RHOBTB3: variants seen among roughly 807,000 people sequenced by gnomAD.
The protein encoded by RHOBTB3 is rho-related BTB domain-containing protein 3.
A neutral mutation model predicts 67.2 loss-of-function variants in RHOBTB3; 47 were observed. The observed-to-expected ratio is 0.70, with a 90% CI of 0.55 to 0.89. RHOBTB3 has a LOEUF of 0.89. Ranked by LOEUF, RHOBTB3 falls within the 40% of genes least tolerant of loss-of-function variation. RHOBTB3 has a pLI of 0.00. For synonymous variants in RHOBTB3, 273 were observed against 274.2 expected (o/e 1.00, Z 0.04); for missense variants, 631 against 750.0 (o/e 0.84, Z 1.85).
chr5:95,791,512 C>T (rs1746389872), intron 11 of RHOBTB3, among the ~76,000 whole-genome samples: 1 of 152,132 alleles, frequency 6.6e-6, no homozygotes, highest in Non-Finnish European at 1.5e-5. Flanking sequence ...TCTCATGTCA[C>T]CTTTGCTTCC....
rs1745600126 is a variant in RHOBTB3 at position 95,768,046 on chromosome 5, A to AT, written c.1164dup (p.Asn389Ter). ...CCTGTATTTTTGTTTTCCCTTATAG[A>AT]TTAATTGCCTAAGGAATTGCAAAAC... On this transcript the variant is annotated frameshift_variant and splice_region_variant, in exon 8 of 12. Transcript: ENST00000379982. LOFTEE classifies it high-confidence loss of function. The AT allele has an allele frequency of 2.5e-6, 4 of 1,612,526 alleles. No individual in the cohort carries two copies. Among genetic ancestry groups the AT allele is most frequent in the Non-Finnish European group, 3.4e-6 (4 of 1,179,038 alleles).
chr5:95,789,827 C>T (rs532606806), intron 11 of RHOBTB3, among the ~76,000 whole-genome samples: 4 of 152,180 alleles, frequency 2.6e-5, no homozygotes, highest in East Asian at 3.9e-4. Context: ...AATTTTACTT[C>T]GTAAAAAAGA....
At chr5:95,742,454 T>C (rs1346774348) in intron 3 of RHOBTB3, among the ~76,000 whole-genome samples, 1 of 152,212 alleles carries the variant, frequency 6.6e-6, no homozygotes, top group Admixed American at 6.5e-5. Flanking sequence ...TAGGAAAGTC[T>C]TAACTGTGTG....
intron 6 of RHOBTB3, among the ~76,000 whole-genome samples, chr5:95,758,451 A>G (rs897847189): frequency 6.6e-6 from 1 of 152,196 alleles, no homozygotes; most frequent in Non-Finnish European, 1.5e-5. Flanking sequence ...GTAGAGTGAA[A>G]GGTGATGGCT....
chr5:95,737,640 G>T (rs1029218735), intron 3 of RHOBTB3, among the ~76,000 whole-genome samples: 14 of 152,130 alleles, frequency 9.2e-5, no homozygotes, highest in Non-Finnish European at 1.8e-4. Context: ...TGATTTGGTG[G>T]TATTTTACAG....
chr5:95,764,026 T>A (rs1279833721), intron 7 of RHOBTB3, among the ~76,000 whole-genome samples: 1 of 152,074 alleles, frequency 6.6e-6, no homozygotes, highest in African/African-American at 2.4e-5. Context: ...CCCAGGCTAG[T>A]CTCAAACTCC....
At chr5:95,729,727 A>G (rs1755165325), upstream of RHOBTB3, among the ~76,000 whole-genome samples, 1 of 152,158 alleles carries the variant, frequency 6.6e-6, no homozygotes, top group African/African-American at 2.4e-5. Flanking sequence ...TCTGTTTCTA[A>G]GAGTTTGACT....
intron 11 of RHOBTB3, chr5:95,789,253 C>G (rs962878318): frequency 1.2e-5 from 2 of 168,622 alleles, no homozygotes; most frequent in African/African-American, 4.8e-5. Context: ...AGGAATTTAA[C>G]TCTTGTTAAC....
rs1328590137 is a variant in RHOBTB3 at position 95,794,666 on chromosome 5, T to G, written c.*1492T>G. On this transcript the variant is annotated 3_prime_UTR_variant, in exon 12 of 12. Transcript: ENST00000379982. ...ATCATTTTCATCTGTAAGTCACTAC[T>G]GGAATATATTTTTCTTTTAATTTCC... The G allele has an allele frequency of 6.6e-6, 1 of 152,288 alleles. No homozygotes were observed. Among genetic ancestry groups the G allele is most frequent in the East Asian group, 1.9e-4 (1 of 5,206 alleles). The allele number at this position is 152,288 out of a possible 1,614,324, so 9.4% of individuals were successfully genotyped here.
intron 7 of RHOBTB3, chr5:95,767,829 T>C: frequency 1.4e-6 from 1 of 705,370 alleles, no homozygotes; most frequent in Non-Finnish European, 2.6e-6. Context: ...ATTTGTTTAC[T>C]GCTGTGAATG....
At chr5:95,745,233 T>A (rs1413096297) in intron 3 of RHOBTB3, among the ~76,000 whole-genome samples, 1 of 148,830 alleles carries the variant, frequency 6.7e-6, no homozygotes, top group Non-Finnish European at 1.5e-5. Flanking sequence ...CATGCTCAGC[T>A]TCTTGAAATT....
In RHOBTB3 at chr5:95,749,648, T is replaced by A. The variant is rs183932623; in HGVS notation, c.570+1161T>A. Among the ~76,000 whole-genome samples, 565 of 152,312 alleles carry A rather than the reference T, an allele frequency of 3.7e-3. 5 individuals carry two copies. The highest frequency in any genetic ancestry group is 4.4e-3 in the Non-Finnish European group (299 of 68,020). On this transcript the variant is annotated intron_variant, in intron 4 of 11. Transcript: ENST00000379982. The stretch of plus-strand genomic sequence containing the variant: ...ATACTAGTGGCTTTTAAAAAAATCT[T>A]AATTTGGCGAAGAATGGTGCATTTC...
At chr5:95,782,392 A>T (rs532659697) in intron 9 of RHOBTB3, 93 of 152,270 alleles carry the variant, frequency 6.1e-4, no homozygotes, top group African/African-American at 2.1e-3. Context: ...GGAAACAGGG[A>T]GTTAGTGTTT....
chr5:95,789,421 T>C (rs1210631017), intron 11 of RHOBTB3: 1 of 152,230 alleles, frequency 6.6e-6, no homozygotes, highest in Admixed American at 6.5e-5. Flanking sequence ...AGGTAAATTA[T>C]AAAAATTAAA....
chr5:95,753,313 T>C (rs1295891593), intron 5 of RHOBTB3, among the ~76,000 whole-genome samples: 3 of 151,838 alleles, frequency 2.0e-5, no homozygotes, highest in Non-Finnish European at 2.9e-5. Flanking sequence ...ATGTTAATAA[T>C]TGCAAAATCC....
At chr5:95,786,333 A>G (rs1746223080) in intron 10 of RHOBTB3, among the ~76,000 whole-genome samples, 1 of 152,224 alleles carries the variant, frequency 6.6e-6, no homozygotes, top group African/African-American at 2.4e-5. Context: ...CAAATAATCA[A>G]AATTTCTGAA....
At chr5:95,784,381 ACTT>A (rs1220774633) in intron 10 of RHOBTB3, among the ~76,000 whole-genome samples, 2 of 152,196 alleles carry the variant, frequency 1.3e-5, no homozygotes, top group African/African-American at 4.8e-5. Context: ...AAACTAATTT[ACTT>A]CTTCATTTTT....
chr5:95,731,961 C>T lies in RHOBTB3; in HGVS notation c.105C>T (p.Val35=). ...IRTYLGRSPL[V]SGDESSLLLN... is the part of the protein sequence containing the mutation. ...CTTACCTGGGGAGAAGCCCTCTGGT[C>T]TCCGGGGACGAGAGCAGCTTGTTGC... The change falls in exon 2 of 12, where the codon GTC becomes GTT. Residue 35 remains valine (V), a synonymous_variant. Coordinates refer to ENST00000379982, the MANE Select transcript of RHOBTB3 (RefSeq NM_014899.4). The T allele has an allele frequency of 6.2e-7, 1 of 1,614,164 alleles. No homozygotes were observed.
chr5:95,774,934 C>T (rs1369961543), intron 8 of RHOBTB3, among the ~76,000 whole-genome samples: 1 of 152,116 alleles, frequency 6.6e-6, no homozygotes, highest in East Asian at 1.9e-4. Context: ...GGCAGCAACT[C>T]TGCTAGAGAT....
Sources: allele counts gnomAD v4.1 joint callset (sites outside exome capture counted in the v4.1 genomes callset), GRCh38; gene constraint gnomAD v4.1.1; transcripts MANE v1.5; gene names NCBI Gene and HGNC (gene_info 2026-07-23, HGNC 2026-07-21).